Variants in TUB observed in about 807,000 individuals in gnomAD.
The protein encoded by TUB is tubby protein homolog.
In TUB, 33 loss-of-function variants were observed where a neutral mutation model predicts 59.7. That is an observed-to-expected ratio of 0.55 (90% CI 0.42 to 0.74). The LOEUF (loss-of-function observed/expected upper bound fraction) is 0.74. TUB is among the 30% of genes least tolerant of loss of function. The probability of loss-of-function intolerance (pLI) is 0.00; values close to 1 mark genes in which losing one functional copy is unlikely to be tolerated. For synonymous variants in TUB, 293 were observed against 256.4 expected (o/e 1.14, Z -1.36); for missense variants, 659 against 672.0 (o/e 0.98, Z 0.21).
rs753704492 is a variant in TUB, at chr11:8,101,948, G to A, written c.*329G>A. On this transcript the variant is annotated 3_prime_UTR_variant, in exon 12 of 12. Coordinates refer to ENST00000299506, the MANE Select transcript of TUB (RefSeq NM_177972.3). ...AGCAACCTCTTCAGCTGGGAAGGCC[G>A]CAAGAGGCATAGAGGGAGAGGAAGC... 8.1e-5 allele frequency: 28 copies of A among 345,414 alleles called. No individual in the cohort carries two copies. The East Asian group carries it at 9.8e-4, about 12-fold the overall frequency. The allele number at this position is 345,414 out of a possible 1,614,324, so 21.4% of individuals were successfully genotyped here.
intron 10 of TUB, 63 bp downstream of exon 10, chr11:8,100,664 G>A: frequency 2.6e-6 from 4 of 1,564,058 alleles, no homozygotes; most frequent in Non-Finnish European, 2.6e-6. Context: ...GAGCTTCTAA[G>A]GGCAGAACTC....
At chr11:8,094,709 T>A (rs1465471378) in intron 4 of TUB, among the ~76,000 whole-genome samples, 1 of 152,204 alleles carries the variant, frequency 6.6e-6, no homozygotes, top group Non-Finnish European at 1.5e-5. Context: ...AAAAGACCCC[T>A]AAAGATTAAG....
chr11:8,049,733 T>C (rs1474780717), intron 2 of TUB, among the ~76,000 whole-genome samples: 3 of 151,994 alleles, frequency 2.0e-5, no homozygotes, highest in African/African-American at 7.3e-5. Context: ...AAATTTGGAA[T>C]ACATAAAACA....
At chr11:8,070,813 C>G (rs990176322) in intron 2 of TUB, among the ~76,000 whole-genome samples, 2 of 152,210 alleles carry the variant, frequency 1.3e-5, no homozygotes, top group African/African-American at 4.8e-5. Context: ...AGACCAGAAA[C>G]TTCATTGCTT....
chr11:8,030,243 C>T (rs941329727), intron 1 of TUB, among the ~76,000 whole-genome samples: 8 of 152,170 alleles, frequency 5.3e-5, no homozygotes, highest in African/African-American at 1.2e-4. Flanking sequence ...TGGGCAGGGA[C>T]ATTGTATCTG....
chr11:8,079,691 T>A (rs1564912903), upstream of TUB, among the ~76,000 whole-genome samples: 1 of 151,860 alleles, frequency 6.6e-6, no homozygotes, highest in Non-Finnish European at 1.5e-5. Context: ...TAGGTGTGCG[T>A]GTGTGTGTGC....
At chr11:8,025,660 C>T (rs565593264) in intron 1 of TUB, among the ~76,000 whole-genome samples, 74 of 152,286 alleles carry the variant, frequency 4.9e-4, no homozygotes, top group African/African-American at 1.8e-3. Context: ...ATTAGTAGAG[C>T]ATTTCCTTTT....
At position 8,094,173 on chromosome 11, in the gene TUB, G is replaced by C. The variant is rs1475286374; in HGVS notation, c.381G>C (p.Lys127Asn). The change falls in exon 4 of 12, where the codon AAG becomes AAC. Residue 127 changes from lysine to asparagine, a missense_variant. Physicochemically the swap from Lys to Asn is moderately conservative, Grantham distance 94. Transcript: ENST00000299506. ...AGGGTGGCGCCGCTAGGAAGGAGAA[G>C]AAGGGAAAGCACAAAGGTCAGCTCA... Reference protein sequence around the residue: ...GGQGGAARKEKKGKHKGTSGP... With the variant: ...GGQGGAARKENKGKHKGTSGP... 1 of 1,613,264 alleles carries C rather than the reference G, an allele frequency of 6.2e-7. No homozygotes were observed. Among genetic ancestry groups the C allele is most frequent in the African/African-American group, 1.3e-5 (1 of 74,916 alleles).
At chr11:8,034,738 G>T (rs886269407), upstream of TUB, among the ~76,000 whole-genome samples, 2 of 151,944 alleles carry the variant, frequency 1.3e-5, no homozygotes, top group African/African-American at 4.8e-5. Flanking sequence ...CTTCTTCCCT[G>T]CCCACCCCCT....
At chr11:8,096,897 C>G in intron 6 of TUB, 91 bp downstream of exon 6, 1 of 1,435,644 alleles carries the variant, frequency 7.0e-7, no homozygotes, top group Non-Finnish European at 9.7e-7. Context: ...ACTCGTATGC[C>G]TTTAGGAGCT....
intron 2 of TUB, among the ~76,000 whole-genome samples, chr11:8,043,008 T>C (rs1211721177): frequency 6.6e-6 from 1 of 152,178 alleles, no homozygotes; most frequent in Non-Finnish European, 1.5e-5. Flanking sequence ...TAAGAAACTG[T>C]AGGATTTTTT....
intron 4 of TUB, among the ~76,000 whole-genome samples, chr11:8,094,424 TG>T (rs751789544): frequency 6.6e-6 from 1 of 152,152 alleles, no homozygotes; most frequent in Non-Finnish European, 1.5e-5. Flanking sequence ...AGTGAAGTCC[TG>T]CTCAGCTGTG....
At chr11:8,028,741 G>A (rs1942532525) in intron 1 of TUB, among the ~76,000 whole-genome samples, 2 of 151,824 alleles carry the variant, frequency 1.3e-5, no homozygotes, top group South Asian at 4.2e-4. Context: ...GGGCACAGTG[G>A]CTCATGCCTG....
chr11:8,033,678 G>C (rs368037324), upstream of TUB, among the ~76,000 whole-genome samples: 1 of 152,268 alleles, frequency 6.6e-6, no homozygotes, highest in East Asian at 1.9e-4. Flanking sequence ...GCCTGGCACG[G>C]CAGAGATGGC....
chr11:8,084,220 G>C (rs1943625025), intron 1 of TUB, among the ~76,000 whole-genome samples: 1 of 152,022 alleles, frequency 6.6e-6, no homozygotes, highest in African/African-American at 2.4e-5. Flanking sequence ...GCATTCCCTG[G>C]GCCCAGCTTA....
At chr11:8,082,472 G>T (rs746466250) in intron 1 of TUB, among the ~76,000 whole-genome samples, 12 of 152,178 alleles carry the variant, frequency 7.9e-5, no homozygotes, top group African/African-American at 2.7e-4. Context: ...CCATGGCAGC[G>T]CCAGATTCTT....
Position 8,102,864 on chromosome 11 carries a change from G to C in TUB, c.*1245G>C, listed in dbSNP as rs973624917. ...AGCATTCAGAACTTCAAGTTCTCTT[G>C]ATTTCTTTGTTCCCACTGTCCCCCA... On this transcript the variant is annotated 3_prime_UTR_variant, in exon 12 of 12. Coordinates refer to ENST00000299506, the MANE Select transcript of TUB (RefSeq NM_177972.3). 6.6e-6 allele frequency: 1 copy of C among 152,052 alleles called. No homozygotes were observed. The highest frequency in any genetic ancestry group is 1.5e-5 in the Non-Finnish European group (1 of 68,026). The allele number at this position is 152,052 out of a possible 1,614,324, so 9.4% of individuals were successfully genotyped here. A position where few individuals can be genotyped will look rare whatever the true frequency, so the allele number is the denominator to read the frequency against.
At chr11:8,066,367 G>A (rs946617900) in intron 2 of TUB, among the ~76,000 whole-genome samples, 1 of 152,196 alleles carries the variant, frequency 6.6e-6, no homozygotes, top group Non-Finnish European at 1.5e-5. Context: ...GAGTGAGGAT[G>A]GGGGCGAAAG....
At chr11:8,085,132 C>G (rs1424125051) in intron 1 of TUB, among the ~76,000 whole-genome samples, 1 of 152,140 alleles carries the variant, frequency 6.6e-6, no homozygotes, top group African/African-American at 2.4e-5. Flanking sequence ...GCACTTGGAC[C>G]CACCACTTTA....
Sources: allele counts gnomAD v4.1 joint callset (sites outside exome capture counted in the v4.1 genomes callset), GRCh38; gene constraint gnomAD v4.1.1; transcripts MANE v1.5; gene names NCBI Gene and HGNC (gene_info 2026-07-23, HGNC 2026-07-21).